The following MSH4 variants were observed in gnomAD, a reference collection of about 807,000 sequenced individuals.
MSH4 encodes the protein mutS protein homolog 4.
MSH4 carries 106 observed loss-of-function variants against 113.7 expected under a neutral mutation model. The ratio of observed to expected loss-of-function variants is 0.93; its 90% CI spans 0.80 to 1.10. MSH4 has a LOEUF of 1.10. Among genes scored for constraint, MSH4 ranks in the 50% least tolerant of loss-of-function variants. The pLI, the probability that MSH4 is intolerant of heterozygous loss-of-function variation, is 0.00. For missense variants in MSH4, 1,061 were observed against 1,093.7 expected (o/e 0.97, Z 0.42); for synonymous variants, 368 against 380.2 (o/e 0.97, Z 0.37).
intron 12 of MSH4, 105 bp downstream of exon 12, chr1:75,879,233 C>A: frequency 1.9e-6 from 2 of 1,037,194 alleles, no homozygotes; most frequent in Non-Finnish European, 2.9e-6. Flanking sequence ...TCTGAATGTT[C>A]TGTATCTTCT....
chr1:75,838,342 C>T (rs1650876427), intron 7 of MSH4, among the ~76,000 whole-genome samples: 1 of 152,160 alleles, frequency 6.6e-6, no homozygotes, highest in South Asian at 2.1e-4. Flanking sequence ...CACTGATCCT[C>T]CTGCCACCCT....
chr1:75,873,110 A>T (rs1651749290), intron 9 of MSH4, among the ~76,000 whole-genome samples: 1 of 152,198 alleles, frequency 6.6e-6, no homozygotes, highest in African/African-American at 2.4e-5. Flanking sequence ...TTACCAGTTT[A>T]TTATTATGCT....
rs1327918514 is a variant in MSH4, at chr1:75,885,984, G to T, written c.2107+2163G>T. On this transcript the variant is annotated intron_variant, in intron 15 of 19. Transcript: ENST00000263187. ...ATTATATAGCATGTATAGTATATATGATGTATTATATAGCATGTATAGTAT... is the reference window on the plus strand; with the variant it reads ...ATTATATAGCATGTATAGTATATATTATGTATTATATAGCATGTATAGTAT... Among the ~76,000 whole-genome samples the T allele has an allele frequency of 3.2e-5, 3 of 95,140 alleles. 1 individual carries two copies. Among genetic ancestry groups the T allele is most frequent in the Admixed American group, 2.9e-4 (2 of 6,796 alleles). The allele number at this position is 95,140 out of a possible 152,430, so 62.4% of individuals were successfully genotyped here.
intron 15 of MSH4, among the ~76,000 whole-genome samples, chr1:75,886,414 TGG>T (rs1355697095): frequency 3.5e-5 from 4 of 113,866 alleles, no homozygotes; most frequent in African/African-American, 1.2e-4. Context: ...ATATTATATA[TGG>T]TATATATGAT....
intron 6 of MSH4, among the ~76,000 whole-genome samples, 160 bp from the exon 7 acceptor site, chr1:75,822,249 A>G (rs1372642440): frequency 2.0e-5 from 3 of 147,678 alleles, no homozygotes; most frequent in Non-Finnish European, 4.4e-5. Context: ...AGATCGCGCC[A>G]CTGTACTCCA....
In MSH4 at chr1:75,876,958, C is replaced by T; in HGVS notation, c.1328C>T (p.Thr443Ile). ...TAGATTGCTATGAAGAACTGTAACA[C>T]ACCTTTATTAAGAGCTTACTATGGT... ...PLKIAMKNCN[T>I]PLLRAYYGSL... Residue 443 changes from threonine to isoleucine, a missense_variant, in exon 10 of 20, where the codon ACA becomes ATA. Physicochemically the swap from Thr to Ile is moderately conservative, Grantham distance 89. Transcript: ENST00000263187. 1.9e-6 allele frequency: 3 copies of T among 1,561,772 alleles called. No homozygotes were observed. The highest frequency in any genetic ancestry group is 2.6e-6 in the Non-Finnish European group (3 of 1,154,748).
intron 8 of MSH4, among the ~76,000 whole-genome samples, chr1:75,853,692 T>C (rs1237280986): frequency 6.6e-6 from 1 of 152,106 alleles, no homozygotes; most frequent in African/African-American, 2.4e-5. Flanking sequence ...GGTTATAGTC[T>C]ATTACTGTCA....
intron 15 of MSH4, among the ~76,000 whole-genome samples, chr1:75,888,434 A>G (rs1383829213): frequency 1.3e-5 from 2 of 152,082 alleles, no homozygotes; most frequent in East Asian, 1.9e-4. Context: ...CTTCTTGGGC[A>G]GAAACAGTCT....
At position 75,878,155 on chromosome 1, in the gene MSH4, A is replaced by G; in HGVS notation, c.1377A>G (p.Gly459=). The change falls in exon 11 of 20, where the codon GGA becomes GGG. Residue 459 remains glycine, a synonymous_variant. Coordinates refer to ENST00000263187, the MANE Select transcript of MSH4 (RefSeq NM_002440.4). ...YYGSLEDKRF[G]IILEKIKTVI... ...CTTTTGGCCTTAATATTAGGTTTGG[A>G]ATCATACTTGAAAAGATTAAAACAG... is the stretch of plus-strand genomic sequence containing the variant. 1 of 1,587,390 alleles carries G rather than the reference A, an allele frequency of 6.3e-7. No homozygotes were observed. Among genetic ancestry groups the G allele is most frequent in the Non-Finnish European group, 8.6e-7 (1 of 1,168,712 alleles).
At chr1:75,834,632 T>G (rs10873735) in intron 7 of MSH4, among the ~76,000 whole-genome samples, 20,510 of 152,040 alleles carry the variant, frequency 0.13, 1,607 homozygotes, top group East Asian at 0.27. Context: ...CCTTTGTAGG[T>G]ACATGGATGA....
Position 75,854,013 on chromosome 1 carries a change from G to GTATATATATATA in MSH4, c.1230+5741_1230+5752dup, listed in dbSNP as rs59347058. 2.8e-4 allele frequency among the ~76,000 whole-genome samples: 33 copies of GTATATATATATA among 116,850 alleles called. 1 individual carries two copies. The East Asian group carries it at 3.4e-3, about 12-fold the overall frequency. 76.7% of individuals were successfully genotyped at this position (116,850 alleles called of 152,430 possible). A position where few individuals can be genotyped will look rare whatever the true frequency, so the allele number is the denominator to read the frequency against. Reference sequence around the variant, plus strand: ...ATGGCTAGGGCATAAGTGTGTGTGTGTATATATATATATATGCATAAATAT... The same window carrying GTATATATATATA: ...ATGGCTAGGGCATAAGTGTGTGTGTGTATATATATATATATATATATATATATGCATAAATAT... On this transcript the variant is annotated intron_variant, in intron 8 of 19. Transcript: ENST00000263187.
At chr1:75,853,563 T>G (rs1259428732) in intron 8 of MSH4, among the ~76,000 whole-genome samples, 1 of 152,140 alleles carries the variant, frequency 6.6e-6, no homozygotes, top group Non-Finnish European at 1.5e-5. Context: ...TTAATAAGTA[T>G]TTTGTGGGGA....
At chr1:75,846,488 C>G (rs941454080) in intron 7 of MSH4, among the ~76,000 whole-genome samples, 3 of 152,138 alleles carry the variant, frequency 2.0e-5, no homozygotes, top group Non-Finnish European at 4.4e-5. Context: ...CTAGTTCATT[C>G]CTCTTAAGTT....
intron 15 of MSH4, among the ~76,000 whole-genome samples, chr1:75,887,209 G>T (rs867958038): frequency 6.6e-6 from 1 of 151,942 alleles, no homozygotes; most frequent in East Asian, 1.9e-4. Context: ...CCCCAATGTT[G>T]TTCTTGTGAT....
chr1:75,808,889 T>C (rs1275544427), intron 3 of MSH4, among the ~76,000 whole-genome samples: 1 of 152,164 alleles, frequency 6.6e-6, no homozygotes, highest in Non-Finnish European at 1.5e-5. Context: ...CAGGTAGAGA[T>C]AGTTTACTCC....
chr1:75,883,135 G>T (rs1651972142), intron 14 of MSH4, among the ~76,000 whole-genome samples: 1 of 151,252 alleles, frequency 6.6e-6, no homozygotes, highest in African/African-American at 2.4e-5. Context: ...CCCACAAGTA[G>T]CTGGGACTAC....
At chr1:75,870,171 C>T (rs1009170977) in intron 9 of MSH4, among the ~76,000 whole-genome samples, 5 of 152,268 alleles carry the variant, frequency 3.3e-5, no homozygotes, top group Admixed American at 2.6e-4. Context: ...TGCGTGGGGC[C>T]TGTAGCCCCT....
At chr1:75,882,657 C>G (rs918201394) in intron 14 of MSH4, among the ~76,000 whole-genome samples, 4 of 100,016 alleles carry the variant, frequency 4.0e-5, no homozygotes, top group African/African-American at 1.5e-4. Context: ...AGCTAGACCT[C>G]ATTTCTAAAA....
intron 9 of MSH4, among the ~76,000 whole-genome samples, chr1:75,867,979 T>A (rs58487907): frequency 0.029 from 4,448 of 152,240 alleles, 214 homozygotes; most frequent in African/African-American, 0.1. Context: ...ATTTTTTTCC[T>A]GATATAGGGT....
Sources: allele counts gnomAD v4.1 joint callset (sites outside exome capture counted in the v4.1 genomes callset), GRCh38; gene constraint gnomAD v4.1.1; transcripts MANE v1.5; gene names NCBI Gene and HGNC (gene_info 2026-07-23, HGNC 2026-07-21).